HS3ST4: variants seen among roughly 807,000 people sequenced by gnomAD.
The protein encoded by HS3ST4 is heparan sulfate glucosamine 3-O-sulfotransferase 4.
In HS3ST4, 17 loss-of-function variants were observed where a neutral mutation model predicts 29.2. The ratio of observed to expected loss-of-function variants is 0.58; its 90% CI spans 0.40 to 0.87. The LOEUF is 0.87. Ranked by LOEUF, HS3ST4 falls within the 40% of genes least tolerant of loss-of-function variation. HS3ST4 has a pLI of 0.00. For missense variants in HS3ST4, 627 were observed against 634.5 expected (o/e 0.99, Z 0.13); for synonymous variants, 314 against 285.7 (o/e 1.10, Z -1.00).
intron 1 of HS3ST4, among the ~76,000 whole-genome samples, chr16:25,738,566 C>G (rs557750505): frequency 2.6e-5 from 4 of 152,162 alleles, no homozygotes; most frequent in African/African-American, 9.7e-5. Context: ...TCAGGAGTTG[C>G]TGAATGTCCC....
chr16:25,880,771 G>C (rs1286025072), intron 1 of HS3ST4, among the ~76,000 whole-genome samples: 1 of 152,152 alleles, frequency 6.6e-6, no homozygotes, highest in East Asian at 1.9e-4. Context: ...ATAGTAACAG[G>C]CATGTGGAAT....
chr16:25,771,905 G>T (rs918242923), intron 1 of HS3ST4, among the ~76,000 whole-genome samples: 4 of 152,166 alleles, frequency 2.6e-5, no homozygotes, highest in Non-Finnish European at 4.4e-5. Context: ...TTATCTTTCT[G>T]TTCCCTCTCT....
At chr16:26,017,149 C>G (rs573755392) in intron 1 of HS3ST4, among the ~76,000 whole-genome samples, 2 of 152,352 alleles carry the variant, frequency 1.3e-5, no homozygotes, top group Non-Finnish European at 2.9e-5. Flanking sequence ...CCAGAGTAAT[C>G]TAGCCTTCTT....
At position 25,819,431 on chromosome 16, in the gene HS3ST4, A is replaced by T. The variant is rs898642866; in HGVS notation, c.734+126280A>T. Reference sequence around the variant, plus strand: ...AGGCAGCTTTCCATAGATGAAATGCACTCAGAGATCACAGATTTCCCCCTG... The same window carrying T: ...AGGCAGCTTTCCATAGATGAAATGCTCTCAGAGATCACAGATTTCCCCCTG... On this transcript the variant is annotated intron_variant, in intron 1 of 1. Coordinates refer to ENST00000331351, the MANE Select transcript of HS3ST4 (RefSeq NM_006040.3). Among the ~76,000 whole-genome samples, 6 of 152,120 alleles carry T rather than the reference A, an allele frequency of 3.9e-5. No individual in the cohort carries two copies. The South Asian group carries it at 1.0e-3, about 26-fold the overall frequency.
chr16:25,761,509 C>A (rs984557084), intron 1 of HS3ST4, among the ~76,000 whole-genome samples: 1 of 152,208 alleles, frequency 6.6e-6, no homozygotes, highest in African/African-American at 2.4e-5. Flanking sequence ...ATTGGCAGGT[C>A]AGCCAGGAGA....
At chr16:25,933,943 G>A (rs1035095607) in intron 1 of HS3ST4, among the ~76,000 whole-genome samples, 16 of 152,314 alleles carry the variant, frequency 1.1e-4, no homozygotes, top group Admixed American at 1.0e-3. Flanking sequence ...TCCAGCATTG[G>A]AGGTCGCATG....
intron 1 of HS3ST4, among the ~76,000 whole-genome samples, chr16:25,777,918 T>C (rs963984676): frequency 2.0e-5 from 3 of 152,152 alleles, no homozygotes; most frequent in Non-Finnish European, 2.9e-5. Context: ...ATGTATAGTT[T>C]GTTTCCATTT....
chr16:25,861,253 A>T (rs1327344957), intron 1 of HS3ST4, among the ~76,000 whole-genome samples: 1 of 152,052 alleles, frequency 6.6e-6, no homozygotes, highest in Non-Finnish European at 1.5e-5. Context: ...GTGGCTTTTG[A>T]TACAGGAGTT....
At chr16:25,818,583 G>A (rs1424456163) in intron 1 of HS3ST4, among the ~76,000 whole-genome samples, 1 of 152,140 alleles carries the variant, frequency 6.6e-6, no homozygotes, top group Non-Finnish European at 1.5e-5. Flanking sequence ...TGCTGGCCAA[G>A]GAGAGAACAT....
chr16:26,092,236 A>G (rs1408418561), intron 1 of HS3ST4, among the ~76,000 whole-genome samples: 2 of 152,178 alleles, frequency 1.3e-5, no homozygotes, highest in Non-Finnish European at 2.9e-5. Context: ...CTGGGCAGAA[A>G]AAAACGTGGC....
chr16:25,751,162 G>T (rs1253159526), intron 1 of HS3ST4, among the ~76,000 whole-genome samples: 2 of 152,168 alleles, frequency 1.3e-5, no homozygotes, highest in Admixed American at 1.3e-4. Context: ...GAGCAGTTGC[G>T]CAGGTTCTGA....
chr16:25,977,786 C>G (rs1178894041), intron 1 of HS3ST4, among the ~76,000 whole-genome samples: 2 of 152,194 alleles, frequency 1.3e-5, no homozygotes, highest in African/African-American at 2.4e-5. Context: ...TGTTGACAGC[C>G]TGATTTAAGC....
At chr16:25,819,861 A>G (rs1308170222) in intron 1 of HS3ST4, among the ~76,000 whole-genome samples, 1 of 151,264 alleles carries the variant, frequency 6.6e-6, no homozygotes, top group Non-Finnish European at 1.5e-5. Flanking sequence ...AAATACAAAA[A>G]TTATCCGGGA....
chr16:25,718,516 GAGAA>G (rs1038995172), intron 1 of HS3ST4, among the ~76,000 whole-genome samples: 9 of 151,134 alleles, frequency 6.0e-5, no homozygotes, highest in Non-Finnish European at 1.3e-4. Context: ...GAGAGAGAGA[GAGAA>G]AGAAAGAGAG....
At chr16:25,766,461 G>C (rs1966819757) in intron 1 of HS3ST4, among the ~76,000 whole-genome samples, 1 of 152,214 alleles carries the variant, frequency 6.6e-6, no homozygotes, top group Non-Finnish European at 1.5e-5. Flanking sequence ...AGTACCCAGA[G>C]AGAAGCGAAT....
intron 1 of HS3ST4, among the ~76,000 whole-genome samples, chr16:25,821,198 C>T (rs1362754987): frequency 1.3e-5 from 2 of 151,788 alleles, no homozygotes; most frequent in Admixed American, 1.3e-4. Context: ...GCTGGGACTA[C>T]AGGCACCCGC....
intron 1 of HS3ST4, among the ~76,000 whole-genome samples, chr16:26,100,696 C>T (rs184191280): frequency 2.0e-5 from 3 of 152,294 alleles, no homozygotes; most frequent in African/African-American, 7.2e-5. Context: ...TCATGCCTCA[C>T]AAATCTCCCC....
intron 1 of HS3ST4, among the ~76,000 whole-genome samples, chr16:25,900,369 C>T (rs1035175018): frequency 7.2e-6 from 1 of 139,560 alleles, no homozygotes; most frequent in African/African-American, 2.7e-5. Context: ...TTTTATGCCA[C>T]CTTTAACAAC....
chr16:26,135,499 A>C, intron 1 of HS3ST4, 113 bp from the exon 2 acceptor site: 1 of 1,045,954 alleles, frequency 9.6e-7, no homozygotes, highest in East Asian at 2.6e-5. Context: ...GAGTTTATCA[A>C]TTTTATTTGG....
Sources: allele counts gnomAD v4.1 joint callset (sites outside exome capture counted in the v4.1 genomes callset), GRCh38; gene constraint gnomAD v4.1.1; transcripts MANE v1.5; gene names NCBI Gene and HGNC (gene_info 2026-07-23, HGNC 2026-07-21).